The following FOXP4 variants were observed in gnomAD, a reference collection of about 807,000 sequenced individuals.
FOXP4 encodes forkhead box P4.
A neutral mutation model predicts 82.6 loss-of-function variants in FOXP4; 25 were observed. That is an observed-to-expected ratio of 0.30 (90% confidence interval 0.22 to 0.42). The LOEUF (loss-of-function observed/expected upper bound fraction) is 0.42, where lower values mean the gene tolerates loss of function less well. Among genes scored for constraint, FOXP4 ranks in the 10% least tolerant of loss-of-function variants. FOXP4 has a pLI of 1.00. For missense variants in FOXP4, 785 were observed against 900.9 expected, an observed-to-expected ratio of 0.87 and a Z score of 1.65; for synonymous variants, 415 against 388.2, an observed-to-expected ratio of 1.07 and a Z score of -0.81.
intron 3 of FOXP4, among the ~76,000 whole-genome samples, chr6:41,582,421 C>T (rs1765853093): frequency 6.6e-6 from 1 of 152,228 alleles, no homozygotes. Context: ...GCCCCAAATC[C>T]CAGTTAGCCG....
rs1335712285 is a variant in FOXP4, at chr6:41,587,009, G to T, written c.511G>T (p.Ala171Ser). Residue 171 changes from alanine to serine, a missense_variant and splice_region_variant, in exon 6 of 17, where the codon GCA becomes TCA. This residue lies in a region of FOXP4 where 570 missense variants were observed against 634.0 expected (regional missense o/e 0.90). Transcript: ENST00000307972. ...QQAGKPQPKE[A>S]LGNKQLAFQQ... ...CCCGCCCCCTCGGGCCCCTCACCAG[G>T]CACTGGGGAACAAGCAGCTGGCCTT... is the stretch of plus-strand genomic sequence containing the variant. 1 of 1,585,202 alleles carries T rather than the reference G, an allele frequency of 6.3e-7. No individual in the cohort carries two copies. Among genetic ancestry groups the T allele is most frequent in the Admixed American group, 1.7e-5 (1 of 59,118 alleles).
In FOXP4 at chr6:41,546,382, C is replaced by CTCGCAGCCCAGGCTCAG. The variant is rs1449744315; in HGVS notation, c.-492_-476dup. 1 of 151,398 alleles carries CTCGCAGCCCAGGCTCAG rather than the reference C, an allele frequency of 6.6e-6. No homozygotes were observed. Among genetic ancestry groups the CTCGCAGCCCAGGCTCAG allele is most frequent in the Admixed American group, 6.6e-5 (1 of 15,230 alleles). The allele number at this position is 151,398 out of a possible 1,614,324, so 9.4% of individuals were successfully genotyped here. ...CCCGCGCGCCGCCCGCTCGCAGCCACTCGCAGCCCAGGCTCAGTCGCAGCC... is the reference window on the plus strand; with the variant it reads ...CCCGCGCGCCGCCCGCTCGCAGCCACTCGCAGCCCAGGCTCAGTCGCAGCCCAGGCTCAGTCGCAGCC... On this transcript the variant is annotated 5_prime_UTR_variant, in exon 1 of 17. Coordinates refer to ENST00000307972, the MANE Select transcript of FOXP4 (RefSeq NM_001012426.2).
At chr6:41,547,358 G>C (rs1763700028) in intron 1 of FOXP4, 2 of 152,292 alleles carry the variant, frequency 1.3e-5, no homozygotes, top group South Asian at 4.1e-4. Context: ...CCAGAGCTGG[G>C]AAGGGAAGTG....
chr6:41,583,944 T>G (rs72858992), intron 3 of FOXP4, among the ~76,000 whole-genome samples: 12,050 of 152,220 alleles, frequency 0.079, 561 homozygotes, highest in Middle Eastern at 0.1. Flanking sequence ...GAAGGAATCA[T>G]CTCTTACAGC....
chr6:41,597,913 A>G lies in FOXP4; in HGVS notation c.1858A>G (p.Ser620Gly), dbSNP rs1276977065. 7.6e-6 allele frequency: 12 copies of G among 1,579,792 alleles called. No individual in the cohort carries two copies. The highest frequency in any genetic ancestry group is 9.4e-6 in the Non-Finnish European group (11 of 1,169,532). Reference protein sequence around the residue: ...APVEPLPSNGSSSPPRLSPPQ... With the variant: ...APVEPLPSNGGSSPPRLSPPQ... ...CGTGGAGCCGCTGCCCAGCAACGGCAGCAGCAGCCCTCCTCGCCTCTCCCC... is the reference window on the plus strand; with the variant it reads ...CGTGGAGCCGCTGCCCAGCAACGGCGGCAGCAGCCCTCCTCGCCTCTCCCC... Residue 620 changes from serine (S) to glycine (G), a missense_variant, in exon 16 of 17, where the codon AGC becomes GGC. Coordinates refer to ENST00000307972, the MANE Select transcript of FOXP4 (RefSeq NM_001012426.2).
chr6:41,595,578 A>AT (rs1766784112), intron 14 of FOXP4, among the ~76,000 whole-genome samples: 1 of 151,882 alleles, frequency 6.6e-6, no homozygotes, highest in African/African-American at 2.4e-5. Context: ...TTATTTATTT[A>AT]TTATTTTTTT....
chr6:41,559,820 A>ATC (rs1764466560), intron 1 of FOXP4, among the ~76,000 whole-genome samples: 1 of 152,164 alleles, frequency 6.6e-6, no homozygotes, highest in Non-Finnish European at 1.5e-5. Flanking sequence ...ATCACCTAGG[A>ATC]ACTTCTTAGA....
At position 41,593,417 on chromosome 6, in the gene FOXP4, C is replaced by T. The variant is rs73418003; in HGVS notation, c.1537-1453C>T. Among the ~76,000 whole-genome samples, 1,386 of 152,302 alleles carry T rather than the reference C, an allele frequency of 9.1e-3. 22 individuals carry two copies. The highest frequency in any genetic ancestry group is 0.032 in the African/African-American group (1,316 of 41,556). ...TGCTGGCCCTCCCCGTGTCCATCCC[C>T]TCCCAAGGCCCGTGTTGTGGGCCCG... On this transcript the variant is annotated intron_variant, in intron 13 of 16. Transcript: ENST00000307972. This position sits in a 1 kb window ranked among gnomAD's most constrained non-coding sequence, Gnocchi z 4.1.
intron 1 of FOXP4, among the ~76,000 whole-genome samples, chr6:41,551,205 C>G (rs1287108368): frequency 6.6e-6 from 1 of 152,222 alleles, no homozygotes; most frequent in African/African-American, 2.4e-5. Context: ...CCTGCCTGAT[C>G]TAGAAAACAA....
At position 41,597,825 on chromosome 6, in the gene FOXP4, C is replaced by T. The variant is rs1350889070; in HGVS notation, c.1770C>T (p.Gly590=). The T allele has an allele frequency of 3.7e-6, 6 of 1,606,684 alleles. No individual in the cohort carries two copies. The highest frequency in any genetic ancestry group is 2.7e-5 in the African/African-American group (2 of 74,984). The change falls in exon 16 of 17, where the codon GGC becomes GGT. Residue 590 remains glycine (G), a synonymous_variant. Coordinates refer to ENST00000307972, the MANE Select transcript of FOXP4 (RefSeq NM_001012426.2). ...GCTTCCCCCTCCTCAACAGCCCTGG[C>T]ATGCTGAACCCTGGCTCCGCCAGCA... The part of the protein sequence containing the change: ...ESSFPLLNSP[G]MLNPGSASSL...
Position 41,591,412 on chromosome 6 carries a change from C to A in FOXP4, c.1536+90C>A, listed in dbSNP as rs967724683. 2 of 1,144,902 alleles carry A rather than the reference C, an allele frequency of 1.7e-6. No homozygotes were observed. 70.9% of individuals were successfully genotyped at this position (1,144,902 alleles called of 1,614,324 possible). On this transcript the variant is annotated intron_variant, in intron 13 of 16. Coordinates refer to ENST00000307972, the MANE Select transcript of FOXP4 (RefSeq NM_001012426.2). This position sits in a 1 kb window ranked among gnomAD's most constrained non-coding sequence, Gnocchi z 4.2. ...ACCAAGGCTGCCTAACAATTAGTTC[C>A]CTAAACCATTAGTCCTGCAGAAACA...
At chr6:41,585,021 G>A in intron 4 of FOXP4, 130 bp downstream of exon 4, 1 of 1,286,706 alleles carries the variant, frequency 7.8e-7, no homozygotes, top group Admixed American at 2.8e-5. Flanking sequence ...AGACTGATCT[G>A]CATTCCTCTA....
intron 1 of FOXP4, among the ~76,000 whole-genome samples, chr6:41,559,862 T>C (rs1764468212): frequency 6.6e-6 from 1 of 152,208 alleles, no homozygotes; most frequent in Admixed American, 6.5e-5. Context: ...TCCAGACCTG[T>C]TGGGTTAGCA....
intron 8 of FOXP4, among the ~76,000 whole-genome samples, 159 bp from the exon 9 acceptor site, chr6:41,588,485 C>G (rs1025963206): frequency 2.0e-5 from 3 of 152,234 alleles, no homozygotes; most frequent in Non-Finnish European, 2.9e-5. Flanking sequence ...AAGGGAGAAG[C>G]CTTCCTCCAT....
intron 1 of FOXP4, among the ~76,000 whole-genome samples, chr6:41,549,834 C>T (rs1763899217): frequency 2.0e-5 from 3 of 152,114 alleles, no homozygotes; most frequent in African/African-American, 7.2e-5. Flanking sequence ...AGGAAGCCTT[C>T]CCTGCATCTT....
intron 14 of FOXP4, among the ~76,000 whole-genome samples, chr6:41,596,967 G>T (rs1766875968): frequency 6.6e-6 from 1 of 152,140 alleles, no homozygotes; most frequent in African/African-American, 2.4e-5. Context: ...ACCTGTGAAG[G>T]GGCTGCTCCT....
Position 41,590,074 on chromosome 6 carries a change from C to G in FOXP4, c.1261C>G (p.Pro421Ala). ...PPTSAAAPVT[P>A]LRPPGLGSAS... ...GACCTCGGCCGCAGCCCCTGTCACC[C>G]CTCTACGGCCCCCTGGCCTGGGCTC... is the stretch of plus-strand genomic sequence containing the variant. The change falls in exon 11 of 17, where the codon CCT becomes GCT. Residue 421 changes from proline (P) to alanine (A), a missense_variant. This residue lies in a region of FOXP4 where 570 missense variants were observed against 634.0 expected (regional missense o/e 0.90). Transcript: ENST00000307972. 6.2e-7 allele frequency: 1 copy of G among 1,613,912 alleles called. No individual in the cohort carries two copies. The highest frequency in any genetic ancestry group is 8.5e-7 in the Non-Finnish European group (1 of 1,179,968).
intron 1 of FOXP4, chr6:41,548,243 C>G (rs902834596): frequency 6.6e-6 from 1 of 152,214 alleles, no homozygotes; most frequent in Non-Finnish European, 1.5e-5. Context: ...CGTCTAGTCT[C>G]CCCGCAGGTT....
chr6:41,574,773 G>A (rs1483093630), intron 2 of FOXP4, among the ~76,000 whole-genome samples: 1 of 152,144 alleles, frequency 6.6e-6, no homozygotes, highest in Non-Finnish European at 1.5e-5. Context: ...GCAGCAGCGT[G>A]GTCGATGTGA....
Sources: allele counts gnomAD v4.1 joint callset (sites outside exome capture counted in the v4.1 genomes callset), GRCh38; gene constraint gnomAD v4.1.1; regional missense constraint gnomAD v4.1.1; non-coding constraint Gnocchi (gnomAD v3.1); transcripts MANE v1.5; gene names NCBI Gene and HGNC (gene_info 2026-07-23, HGNC 2026-07-21).